Variants in PTPRH observed in about 807,000 individuals in gnomAD.
The protein encoded by PTPRH is protein tyrosine phosphatase receptor type H, also known as receptor-type tyrosine-protein phosphatase H.
In PTPRH, 113 loss-of-function variants were observed where a neutral mutation model predicts 130.2. The ratio of observed to expected loss-of-function variants is 0.87; its 90% confidence interval spans 0.75 to 1.01. The LOEUF (loss-of-function observed/expected upper bound fraction) is 1.01. Ranked by LOEUF, PTPRH falls within the 50% of genes least tolerant of loss-of-function variation. The pLI, the probability that PTPRH is intolerant of heterozygous loss-of-function variation, is 0.00. For missense variants in PTPRH, 1,430 were observed against 1,425.0 expected, an observed-to-expected ratio of 1.00 and a Z score of -0.06; for synonymous variants, 556 against 577.9, an observed-to-expected ratio of 0.96 and a Z score of 0.54.
At position 55,197,346 on chromosome 19, in the gene PTPRH, G is replaced by A. The variant is rs373406296; in HGVS notation, c.1761C>T (p.Ala587=). The part of the protein sequence containing the change: ...TKNSVMLWWK[A]PGDPHSQLYV... ...ACAACTGAGAGTGGGGGTCTCCAGGGGCCTTCCACCACAGCATGACTGAGT... is the reference window on the plus strand; with the variant it reads ...ACAACTGAGAGTGGGGGTCTCCAGGAGCCTTCCACCACAGCATGACTGAGT... The change falls in exon 9 of 20, where the codon GCC becomes GCT. Residue 587 remains alanine, a synonymous_variant. Transcript: ENST00000376350. 3.1e-6 allele frequency: 5 copies of A among 1,614,030 alleles called. No individual in the cohort carries two copies. In the African/African-American group the frequency reaches 6.7e-5, roughly 22 times the overall value.
Position 55,181,558 on chromosome 19 carries a change from C to A in PTPRH, c.*196G>T. ...TTCAGGGAACCAGGAATCCAGATCC[C>A]CAGCTCCCATAGGACTCATCTGAAG... On this transcript the variant is annotated 3_prime_UTR_variant, in exon 20 of 20. Coordinates refer to ENST00000376350, the MANE Select transcript of PTPRH (RefSeq NM_002842.5). The A allele has an allele frequency of 3.0e-6, 2 of 666,630 alleles. No homozygotes were observed. Among genetic ancestry groups the A allele is most frequent in the East Asian group, 2.7e-5 (1 of 37,254 alleles). 41.3% of individuals were successfully genotyped at this position (666,630 alleles called of 1,614,324 possible). A position where few individuals can be genotyped will look rare whatever the true frequency, so the allele number is the denominator to read the frequency against.
chr19:55,191,992 GACT>G, intron 10 of PTPRH: 1 of 640,522 alleles, frequency 1.6e-6, no homozygotes, highest in South Asian at 1.5e-5. Context: ...TCAACGCGAA[GACT>G]ACAAGGAGGA....
intron 8 of PTPRH, among the ~76,000 whole-genome samples, chr19:55,198,103 G>A (rs2086743043): frequency 6.6e-6 from 1 of 152,196 alleles, no homozygotes; most frequent in African/African-American, 2.4e-5. Flanking sequence ...TGTGGTCCCA[G>A]CTACTCAGGA....
intron 14 of PTPRH, 126 bp downstream of exon 14, chr19:55,187,387 A>G (rs983131150): frequency 3.5e-5 from 14 of 399,582 alleles, no homozygotes; most frequent in African/African-American, 4.7e-5. Flanking sequence ...AAAAAGGAAG[A>G]AAAAAAAAAG....
intron 10 of PTPRH, 103 bp downstream of exon 10, chr19:55,196,419 G>A (rs2086680450): frequency 7.4e-7 from 1 of 1,353,070 alleles, no homozygotes; most frequent in South Asian, 1.4e-5. Flanking sequence ...TGTTTCAAAG[G>A]AAATGAGAAA....
chr19:55,207,496 C>A (rs548160053), intron 1 of PTPRH, among the ~76,000 whole-genome samples: 1 of 152,124 alleles, frequency 6.6e-6, no homozygotes, highest in Admixed American at 6.5e-5. Context: ...AAACCGAGGG[C>A]AGAGAGCAAT....
intron 7 of PTPRH, among the ~76,000 whole-genome samples, 156 bp downstream of exon 7, chr19:55,200,080 C>T (rs1006550187): frequency 4.4e-4 from 67 of 152,134 alleles, no homozygotes; most frequent in Admixed American, 2.8e-3. Flanking sequence ...GCAGAGCCAG[C>T]CCCCAGCTGT....
At chr19:55,182,308 C>G (rs2086201180) in intron 18 of PTPRH, among the ~76,000 whole-genome samples, 157 bp from the exon 19 acceptor site, 1 of 152,124 alleles carries the variant, frequency 6.6e-6, no homozygotes, top group South Asian at 2.1e-4. Flanking sequence ...GGTGGATCAC[C>G]CAAGGTCAGG....
intron 12 of PTPRH, among the ~76,000 whole-genome samples, chr19:55,189,557 C>T (rs1313228377): frequency 2.6e-5 from 4 of 152,204 alleles, no homozygotes; most frequent in African/African-American, 9.6e-5. Flanking sequence ...AGGCCCTCCA[C>T]GCGCCCATCC....
chr19:55,190,033 C>T (rs1600002915), intron 12 of PTPRH, among the ~76,000 whole-genome samples: 1 of 151,740 alleles, frequency 6.6e-6, no homozygotes, highest in Non-Finnish European at 1.5e-5. Context: ...TAAAATAATT[C>T]ATCTGATTTT....
chr19:55,201,778 C>A (rs2086870600), intron 6 of PTPRH, among the ~76,000 whole-genome samples: 1 of 152,204 alleles, frequency 6.6e-6, no homozygotes, highest in East Asian at 1.9e-4. Flanking sequence ...CATGCCTTGG[C>A]CCCTACACAT....
chr19:55,182,385 A>G (rs3760869), intron 18 of PTPRH, among the ~76,000 whole-genome samples: 68,998 of 152,006 alleles, frequency 0.45, 18,333 homozygotes, highest in African/African-American at 0.73. Context: ...TTAGCCGGGT[A>G]TGGTGGCGCA....
intron 10 of PTPRH, 22 bp from the exon 11 acceptor site, chr19:55,191,763 A>G (rs760045097): frequency 1.2e-6 from 2 of 1,600,548 alleles, no homozygotes; most frequent in Non-Finnish European, 8.6e-7. Flanking sequence ...AGGCATCGGG[A>G]ACCCTCAGAG....
chr19:55,181,846 C>T lies in PTPRH; in HGVS notation c.3256G>A (p.Ala1086Thr). Residue 1086 changes from alanine (A) to threonine (T), a missense_variant, in exon 20 of 20, where the codon GCC becomes ACC. Coordinates refer to ENST00000376350, the MANE Select transcript of PTPRH (RefSeq NM_002842.5). The stretch of plus-strand genomic sequence containing the variant: ...TACGGGACTTCCTTCTCGGCTGGGG[C>T]CTGGGCTGACTGTTGGAGGAACCGC... ...ILRFLQQSAQ[A>T]PAEKEVPYED... 1.2e-6 allele frequency: 2 copies of T among 1,614,190 alleles called. No individual in the cohort carries two copies. Among genetic ancestry groups the T allele is most frequent in the Non-Finnish European group, 8.5e-7 (1 of 1,180,022 alleles).
Position 55,209,321 on chromosome 19 carries a change from C to A in PTPRH, c.51+62G>T, listed in dbSNP as rs1280299714. ...AAGATCGAGGTGCAGGCACCCAGCTCCTTCTCCCTCAGACCTGGGAGTCCC... is the reference window on the plus strand; with the variant it reads ...AAGATCGAGGTGCAGGCACCCAGCTACTTCTCCCTCAGACCTGGGAGTCCC... On this transcript the variant is annotated intron_variant, in intron 1 of 19. Coordinates refer to ENST00000376350, the MANE Select transcript of PTPRH (RefSeq NM_002842.5). This position sits in a 1 kb window ranked among gnomAD's most constrained non-coding sequence, Gnocchi z 4.1. 7 of 1,436,118 alleles carry A rather than the reference C, an allele frequency of 4.9e-6. No homozygotes were observed. The African/African-American group carries it at 7.1e-5, about 14-fold the overall frequency. The allele number at this position is 1,436,118 out of a possible 1,614,324, so 89.0% of individuals were successfully genotyped here. A position where few individuals can be genotyped will look rare whatever the true frequency, so the allele number is the denominator to read the frequency against.
At chr19:55,185,719 C>CT in intron 17 of PTPRH, 57 bp from the exon 18 acceptor site, 1 of 1,600,500 alleles carries the variant, frequency 6.2e-7, no homozygotes, top group Non-Finnish European at 8.5e-7. Context: ...GACCTGGCTT[C>CT]TAGCACCAGG....
intron 17 of PTPRH, 24 bp from the exon 18 acceptor site, chr19:55,185,686 G>C (rs372351600): frequency 2.5e-6 from 4 of 1,611,850 alleles, no homozygotes; most frequent in Non-Finnish European, 2.5e-6. Context: ...GCACTCACAG[G>C]CTCTGGAGAT....
chr19:55,201,482 G>T (rs188190040), intron 6 of PTPRH, among the ~76,000 whole-genome samples: 3 of 152,226 alleles, frequency 2.0e-5, no homozygotes, highest in African/African-American at 7.2e-5. Flanking sequence ...GAGGATGAAG[G>T]GGGGACTGGG....
intron 18 of PTPRH, among the ~76,000 whole-genome samples, chr19:55,183,953 T>A (rs2086248222): frequency 6.6e-6 from 1 of 151,998 alleles, no homozygotes; most frequent in Non-Finnish European, 1.5e-5. Context: ...ATATGCACAC[T>A]AATGGAATGA....
Sources: allele counts gnomAD v4.1 joint callset (sites outside exome capture counted in the v4.1 genomes callset), GRCh38; gene constraint gnomAD v4.1.1; non-coding constraint Gnocchi (gnomAD v3.1); transcripts MANE v1.5; gene names NCBI Gene and HGNC (gene_info 2026-07-23, HGNC 2026-07-21).